TUSC3: variants seen among roughly 807,000 people sequenced by gnomAD.
The protein encoded by TUSC3 is tumor suppressor candidate 3.
A neutral mutation model predicts 44.8 loss-of-function variants in TUSC3; 45 were observed. The observed-to-expected ratio is 1.00, with a 90% CI of 0.79 to 1.29. The LOEUF (loss-of-function observed/expected upper bound fraction) is 1.29, where lower values mean the gene tolerates loss of function less well. Among genes scored for constraint, TUSC3 ranks in the 50% most tolerant of loss-of-function variants. The probability of loss-of-function intolerance (pLI) is 0.00; values close to 1 mark genes in which losing one functional copy is unlikely to be tolerated. For synonymous variants in TUSC3, 212 were observed against 152.9 expected (o/e 1.39, Z -2.85); for missense variants, 519 against 437.9 (o/e 1.19, Z -1.65).
Position 15,533,240 on chromosome 8 carries a change from T to A in TUSC3, n.189+49757T>A, listed in dbSNP as rs117492873. Among the ~76,000 whole-genome samples, 171 of 152,300 alleles carry A rather than the reference T, an allele frequency of 1.1e-3. 1 individual carries two copies. Among genetic ancestry groups the A allele is most frequent in the Non-Finnish European group, 2.1e-3 (143 of 68,022 alleles). ...GGAACTGTAAGTCCATTAAACCTCT[T>A]TTTCTTCCCGGTCTTGGGTATATCT... On this transcript the variant is annotated intron_variant and non_coding_transcript_variant, in intron 2 of 5. Transcript: ENST00000503191.
intron 2 of TUSC3, among the ~76,000 whole-genome samples, chr8:15,530,060 C>T (rs985376159): frequency 3.0e-5 from 4 of 133,712 alleles, no homozygotes; most frequent in African/African-American, 1.3e-4. Flanking sequence ...GCTGGGATTA[C>T]AGGCGTGAGC....
chr8:15,848,642 T>G, the TUSC3 span, among the ~76,000 whole-genome samples: 3 of 152,174 alleles, frequency 2.0e-5, no homozygotes, highest in Non-Finnish European at 4.4e-5. Context: ...TCTTATGGAC[T>G]CAGACAAAGT....
intron 9 of TUSC3, among the ~76,000 whole-genome samples, chr8:15,749,201 C>T (rs552369906): frequency 6.6e-6 from 1 of 152,182 alleles, no homozygotes; most frequent in African/African-American, 2.4e-5. Context: ...CTCAGTATTT[C>T]CTTTTTCAGA....
chr8:15,519,173 T>C (rs1447294245), intron 2 of TUSC3, among the ~76,000 whole-genome samples: 1 of 152,210 alleles, frequency 6.6e-6, no homozygotes, highest in Non-Finnish European at 1.5e-5. Flanking sequence ...GGAGAAGTCA[T>C]GATTTTGAGA....
intron 2 of TUSC3, among the ~76,000 whole-genome samples, chr8:15,526,644 G>A (rs1034707295): frequency 3.9e-5 from 6 of 152,100 alleles, no homozygotes; most frequent in East Asian, 1.9e-4. Context: ...TTCGCCTTCT[G>A]CCATGATTGT....
intron 1 of TUSC3, among the ~76,000 whole-genome samples, chr8:15,432,256 G>C (rs932102800): frequency 1.3e-5 from 2 of 152,066 alleles, no homozygotes. Flanking sequence ...TGTTGTTGTT[G>C]TTGAGAGGTT....
intron 1 of TUSC3, among the ~76,000 whole-genome samples, chr8:15,573,200 C>CTATATATATA (rs756046911): frequency 4.6e-4 from 46 of 99,498 alleles, no homozygotes; most frequent in African/African-American, 1.1e-3. Context: ...CTCTCTCTCT[C>CTATATATATA]TCTATATATA....
At chr8:15,512,273 A>C (rs1269245566) in intron 2 of TUSC3, among the ~76,000 whole-genome samples, 1 of 152,180 alleles carries the variant, frequency 6.6e-6, no homozygotes, top group Non-Finnish European at 1.5e-5. Flanking sequence ...CAGGTTACTC[A>C]CCATAACGAG....
intron 2 of TUSC3, among the ~76,000 whole-genome samples, chr8:15,524,895 T>C (rs775767959): frequency 3.9e-5 from 6 of 152,180 alleles, no homozygotes; most frequent in Non-Finnish European, 8.8e-5. Context: ...CACTCTTCTG[T>C]AACAGTGAAA....
At chr8:15,783,209 C>T in the TUSC3 span, among the ~76,000 whole-genome samples, 11 of 151,860 alleles carry the variant, frequency 7.2e-5, no homozygotes, top group African/African-American at 2.4e-4. Context: ...TGAAAGTAGC[C>T]CAAATAAATA....
intron 2 of TUSC3, among the ~76,000 whole-genome samples, chr8:15,526,994 G>T (rs924748075): frequency 1.3e-5 from 2 of 152,128 alleles, no homozygotes; most frequent in Admixed American, 6.5e-5. Context: ...TTCAAATTTT[G>T]TTGTGAATTC....
At chr8:15,627,643 G>A (rs1298679315) in intron 2 of TUSC3, among the ~76,000 whole-genome samples, 1 of 152,208 alleles carries the variant, frequency 6.6e-6, no homozygotes, top group Non-Finnish European at 1.5e-5. Context: ...GTGGTTTCTG[G>A]TGTCTCCAAG....
At chr8:15,658,633 T>TACACACAA in intron 3 of TUSC3, among the ~76,000 whole-genome samples, 1 of 108,952 alleles carries the variant, frequency 9.2e-6, no homozygotes, top group Admixed American at 8.8e-5. Context: ...TATATACACA[T>TACACACAA]ATATATACAC....
chr8:15,514,367 T>G (rs1316378745), intron 2 of TUSC3, among the ~76,000 whole-genome samples: 2 of 152,212 alleles, frequency 1.3e-5, no homozygotes, highest in African/African-American at 4.8e-5. Context: ...AGAATGAAGT[T>G]GAGCAAGAAA....
chr8:15,672,931 T>A (rs1273622165), intron 5 of TUSC3, among the ~76,000 whole-genome samples: 2 of 152,088 alleles, frequency 1.3e-5, no homozygotes, highest in Non-Finnish European at 2.9e-5. Context: ...AAGGAGTGAT[T>A]GGGCAAGTTA....
chr8:15,703,921 G>T (rs1179119015), intron 6 of TUSC3, among the ~76,000 whole-genome samples: 1 of 152,118 alleles, frequency 6.6e-6, no homozygotes, highest in Non-Finnish European at 1.5e-5. Flanking sequence ...CAGAGTGTCT[G>T]CTCTATGCTG....
intron 6 of TUSC3, among the ~76,000 whole-genome samples, chr8:15,680,194 TAGTG>T (rs944279350): frequency 9.9e-5 from 15 of 152,282 alleles, no homozygotes; most frequent in African/African-American, 3.4e-4. Flanking sequence ...ATTTTAATGA[TAGTG>T]AGCCTTCCAA....
intron 1 of TUSC3, among the ~76,000 whole-genome samples, chr8:15,462,459 CAG>C (rs1233093667): frequency 6.6e-6 from 1 of 152,016 alleles, no homozygotes; most frequent in African/African-American, 2.4e-5. Context: ...CCCATGGTGG[CAG>C]AGTCAGGTTT....
At chr8:15,703,297 A>G (rs769082195) in intron 6 of TUSC3, among the ~76,000 whole-genome samples, 3 of 152,122 alleles carry the variant, frequency 2.0e-5, no homozygotes, top group Non-Finnish European at 2.9e-5. Context: ...ATAGAGGTAA[A>G]ACAAATAACA....
Sources: gnomAD v4.1 joint callset for allele counts (sites outside exome capture counted in the v4.1 genomes callset) on GRCh38, gnomAD v4.1.1 for gene constraint, MANE v1.5 for transcripts, NCBI Gene and HGNC (gene_info 2026-07-23, HGNC 2026-07-21) for gene names.